SEL1L3: variants seen among roughly 807,000 people sequenced by gnomAD.
SEL1L3 encodes the protein protein sel-1 homolog 3.
Under a neutral mutation model 142.8 loss-of-function variants are expected in SEL1L3, and 76 were observed. The observed-to-expected ratio is 0.53, with a 90% CI of 0.44 to 0.64. The LOEUF is 0.64. Ranked by LOEUF, SEL1L3 falls within the 30% of genes least tolerant of loss-of-function variation. The pLI is 0.00. For synonymous variants in SEL1L3, 504 were observed against 519.6 expected (o/e 0.97, Z 0.41); for missense variants, 1,262 against 1,381.7 (o/e 0.91, Z 1.37).
intron 11 of SEL1L3, among the ~76,000 whole-genome samples, chr4:25,801,264 A>T (rs1389576307): frequency 2.0e-5 from 3 of 152,228 alleles, no homozygotes; most frequent in African/African-American, 7.2e-5. Flanking sequence ...TTAGCTGGGC[A>T]TGGTGGCACA....
Position 25,788,278 on chromosome 4 carries a change from G to A in SEL1L3, c.2163C>T (p.Ala721=), listed in dbSNP as rs1301521550. 1.9e-6 allele frequency: 3 copies of A among 1,613,904 alleles called. No homozygotes were observed. The highest frequency in any genetic ancestry group is 1.7e-6 in the Non-Finnish European group (2 of 1,179,862). ...EAAIEWYAKG[A]LETEDPALIY... is the part of the protein sequence containing the mutation. ...TTAACGCAGGATCCTCCGTCTCCAG[G>A]GCGCCCTTGGCGTACCACTCAATTG... Residue 721 remains alanine (A), a synonymous_variant, in exon 13 of 24, where the codon GCC becomes GCT. Coordinates refer to ENST00000399878, the MANE Select transcript of SEL1L3 (RefSeq NM_015187.5). This position sits in a 1 kb window ranked among gnomAD's most constrained non-coding sequence, Gnocchi z 5.3.
rs1334593577 is a variant in SEL1L3 at position 25,748,568 on chromosome 4, C to G, written c.3260-4G>C. 1 of 1,607,794 alleles carries G rather than the reference C, an allele frequency of 6.2e-7. No homozygotes were observed. The highest frequency in any genetic ancestry group is 8.5e-7 in the Non-Finnish European group (1 of 1,177,392). On this transcript the variant is annotated splice_polypyrimidine_tract_variant and splice_region_variant and intron_variant, in intron 23 of 23. Transcript: ENST00000399878. ...GGTCTTGGAGGGGGATCGCTTGCTG[C>G]AGAGACACATGCACAACAGGTGCTG...
At chr4:25,858,806 G>C (rs558037236) in intron 1 of SEL1L3, among the ~76,000 whole-genome samples, 1 of 152,014 alleles carries the variant, frequency 6.6e-6, no homozygotes, top group African/African-American at 2.4e-5. Flanking sequence ...GGATGGTCTC[G>C]ATCTCCTGAC....
At chr4:25,806,846 C>G (rs1443006991) in intron 9 of SEL1L3, among the ~76,000 whole-genome samples, 1 of 149,952 alleles carries the variant, frequency 6.7e-6, no homozygotes, top group African/African-American at 2.5e-5. Flanking sequence ...AGAGAAATAA[C>G]AGCTTGTCGT....
chr4:25,830,653 C>T (rs531340974), intron 5 of SEL1L3, among the ~76,000 whole-genome samples: 21 of 152,296 alleles, frequency 1.4e-4, no homozygotes, highest in Non-Finnish European at 2.6e-4. Context: ...GTCATGAATG[C>T]TGTTAGCTGT....
intron 11 of SEL1L3, among the ~76,000 whole-genome samples, chr4:25,798,298 G>C (rs570174272): frequency 6.6e-6 from 1 of 152,262 alleles, no homozygotes; most frequent in South Asian, 2.1e-4. Flanking sequence ...GTTCATCTCT[G>C]ATACTGCAGA....
chr4:25,807,657 C>T (rs1485494448), intron 9 of SEL1L3, among the ~76,000 whole-genome samples: 4 of 152,134 alleles, frequency 2.6e-5, no homozygotes, highest in African/African-American at 7.2e-5. Context: ...CCCGTGGACC[C>T]GAGCTTTGTA....
chr4:25,716,666 A>T, the SEL1L3 span, among the ~76,000 whole-genome samples: 1 of 152,244 alleles, frequency 6.6e-6, no homozygotes, highest in Non-Finnish European at 1.5e-5. Context: ...TCCTATATGT[A>T]TCAATGAGAA....
At chr4:25,805,218 C>T (rs1577632234) in intron 9 of SEL1L3, among the ~76,000 whole-genome samples, 1 of 152,298 alleles carries the variant, frequency 6.6e-6, no homozygotes, top group Middle Eastern at 3.4e-3. Context: ...CCCAGTTTTT[C>T]TCATGGGTCT....
intron 9 of SEL1L3, among the ~76,000 whole-genome samples, chr4:25,810,694 C>T (rs1173460524): frequency 2.6e-5 from 4 of 152,128 alleles, no homozygotes; most frequent in Admixed American, 6.5e-5. Flanking sequence ...GAGTCCTGAA[C>T]GTGGGGTCTC....
At chr4:25,715,146 A>G in the SEL1L3 span, among the ~76,000 whole-genome samples, 1 of 152,132 alleles carries the variant, frequency 6.6e-6, no homozygotes, top group Admixed American at 6.5e-5. Flanking sequence ...TTAAGAATCT[A>G]AAAATACTAA....
intron 17 of SEL1L3, among the ~76,000 whole-genome samples, chr4:25,770,819 C>T (rs1719122904): frequency 6.6e-6 from 1 of 151,404 alleles, no homozygotes. Flanking sequence ...TCATCTTGCA[C>T]AATCAATCAC....
intron 15 of SEL1L3, among the ~76,000 whole-genome samples, chr4:25,781,923 C>T (rs549475194): frequency 2.0e-5 from 3 of 152,326 alleles, no homozygotes; most frequent in African/African-American, 4.8e-5. Context: ...CTCCATCTCA[C>T]GCTTATTCCT....
chr4:25,803,821 T>C (rs1470079224), intron 10 of SEL1L3, among the ~76,000 whole-genome samples: 1 of 152,074 alleles, frequency 6.6e-6, no homozygotes, highest in African/African-American at 2.4e-5. Flanking sequence ...TTCCTGCCCT[T>C]GGACTGGAAT....
At chr4:25,721,064 A>T in the SEL1L3 span, 1 of 152,190 alleles carries the variant, frequency 6.6e-6, no homozygotes, top group African/African-American at 2.4e-5. Context: ...GAGGTTGCAA[A>T]TTAATCAGTA....
At position 25,748,479 on chromosome 4, in the gene SEL1L3, A is replaced by G; in HGVS notation, c.3345T>C (p.Asp1115=). The change falls in exon 24 of 24, where the codon GAT becomes GAC. Residue 1115 remains aspartate (D), a synonymous_variant. Transcript: ENST00000399878. ...CTGTGGGCTGGTCTTGGTCAGAGGC[A>G]TCTGCAGCTGGAGTCACAGCTGGAC... ...TASPAVTPAA[D]ASDQDQPTVT... is the part of the protein sequence containing the mutation. 2 of 1,611,994 alleles carry G rather than the reference A, an allele frequency of 1.2e-6. No individual in the cohort carries two copies. The highest frequency in any genetic ancestry group is 1.7e-6 in the Non-Finnish European group (2 of 1,179,208).
intron 23 of SEL1L3, among the ~76,000 whole-genome samples, chr4:25,752,140 G>A (rs1717640265): frequency 6.6e-6 from 1 of 150,480 alleles, no homozygotes; most frequent in South Asian, 2.1e-4. Flanking sequence ...GAATGGGCAA[G>A]GTGCGGTGGC....
chr4:25,753,720 A>G (rs758040284), intron 23 of SEL1L3, among the ~76,000 whole-genome samples: 5 of 152,238 alleles, frequency 3.3e-5, no homozygotes, highest in African/African-American at 7.2e-5. Flanking sequence ...ACAGTGGCTT[A>G]TGCCTGTAGT....
Position 25,818,686 on chromosome 4 carries a change from C to T in SEL1L3, c.1424-408G>A, listed in dbSNP as rs563915786. On this transcript the variant is annotated intron_variant, in intron 8 of 23. Transcript: ENST00000399878. The stretch of plus-strand genomic sequence containing the variant: ...TGGGTGTGCATGCCTGGCCTTCTAT[C>T]TCAGGGTATGTCTCCTGAGAGTACA... Among the ~76,000 whole-genome samples the T allele has an allele frequency of 2.6e-5, 4 of 152,294 alleles. No homozygotes were observed. In the South Asian group the frequency reaches 8.3e-4, roughly 32 times the overall value.
Sources: gnomAD v4.1 joint callset for allele counts (sites outside exome capture counted in the v4.1 genomes callset) on GRCh38, gnomAD v4.1.1 for gene constraint, Gnocchi (gnomAD v3.1) non-coding constraint, MANE v1.5 for transcripts, NCBI Gene and HGNC (gene_info 2026-07-23, HGNC 2026-07-21) for gene names.